The following MRTFB variants were observed in gnomAD, a reference collection of about 807,000 sequenced individuals.
MRTFB encodes the protein myocardin related transcription factor B.
Under a neutral mutation model 104.2 loss-of-function variants are expected in MRTFB, and 29 were observed. The observed-to-expected ratio is 0.28, with a 90% CI of 0.21 to 0.38. The LOEUF is 0.38. Ranked by LOEUF, MRTFB falls within the 10% of genes least tolerant of loss-of-function variation. MRTFB has a pLI of 1.00. For synonymous variants in MRTFB, 535 were observed against 519.5 expected (o/e 1.03, Z -0.41); for missense variants, 1,270 against 1,341.6 (o/e 0.95, Z 0.83).
the MRTFB span, among the ~76,000 whole-genome samples, chr16:14,059,771 T>C: frequency 6.6e-6 from 1 of 151,976 alleles, no homozygotes; most frequent in African/African-American, 2.4e-5. Flanking sequence ...AAAGAGAAGC[T>C]TGGAGTTGGC....
rs558973935 is a variant in MRTFB, at chr16:14,226,056, AGAG to A, written c.693+7062_693+7064del. Among the ~76,000 whole-genome samples the A allele has an allele frequency of 1.4e-4, 22 of 152,296 alleles. No individual in the cohort carries two copies. The East Asian group carries it at 4.2e-3, about 29-fold the overall frequency. ...GGCTATTTTTCAACAATGCAAAAGG[AGAG>A]GAGAATGGAATCAAAACAAGGCACT... is the stretch of plus-strand genomic sequence containing the variant. On this transcript the variant is annotated intron_variant, in intron 8 of 16. Transcript: ENST00000571589.
At chr16:14,180,887 G>C (rs1489429790) in intron 3 of MRTFB, among the ~76,000 whole-genome samples, 2 of 152,172 alleles carry the variant, frequency 1.3e-5, no homozygotes, top group Non-Finnish European at 2.9e-5. Flanking sequence ...TGATCAGACT[G>C]TTTGGCCCTG....
chr16:14,186,791 T>C (rs1436716185), intron 3 of MRTFB: 7 of 1,542,964 alleles, frequency 4.5e-6, no homozygotes, highest in East Asian at 2.3e-5. Flanking sequence ...TGGCCAGTGA[T>C]TGGGGTATTG....
chr16:14,025,875 A>G, the MRTFB span, among the ~76,000 whole-genome samples: 1 of 152,250 alleles, frequency 6.6e-6, no homozygotes, highest in African/African-American at 2.4e-5. Context: ...AATGTCATTT[A>G]CAATCACTCA....
intron 3 of MRTFB, among the ~76,000 whole-genome samples, chr16:14,197,469 A>G (rs1318099731): frequency 1.3e-5 from 2 of 152,056 alleles, no homozygotes; most frequent in African/African-American, 4.8e-5. Context: ...CCAAACTCCA[A>G]ATTCCCGCAA....
chr16:14,249,416 A>G (rs576334944), intron 13 of MRTFB, among the ~76,000 whole-genome samples: 7 of 152,344 alleles, frequency 4.6e-5, no homozygotes, highest in Admixed American at 4.6e-4. Context: ...CATACTGTGG[A>G]AAAAAAGATA....
At chr16:14,129,976 G>A (rs1395338916) in intron 2 of MRTFB, among the ~76,000 whole-genome samples, 1 of 151,954 alleles carries the variant, frequency 6.6e-6, no homozygotes, top group Non-Finnish European at 1.5e-5. Flanking sequence ...ACACAGGCTC[G>A]TGCCACCATG....
At chr16:14,200,741 G>A in intron 3 of MRTFB, 3 of 1,502,748 alleles carry the variant, frequency 2.0e-6, no homozygotes, top group Non-Finnish European at 2.8e-6. Flanking sequence ...CTTTTGGTTG[G>A]GACTTGTTGC....
intron 9 of MRTFB, among the ~76,000 whole-genome samples, chr16:14,234,797 T>TA (rs201458806): frequency 3.1e-3 from 469 of 150,502 alleles, no homozygotes; most frequent in African/African-American, 7.8e-3. Flanking sequence ...CCTGTCTCTT[T>TA]AAAAAAAAAC....
At chr16:14,115,087 C>A (rs1328826608) in intron 2 of MRTFB, among the ~76,000 whole-genome samples, 1 of 152,158 alleles carries the variant, frequency 6.6e-6, no homozygotes, top group East Asian at 1.9e-4. Flanking sequence ...AGGTTTGGGT[C>A]TCCTCTACTG....
chr16:14,036,296 T>TTATATTTATATATATATATATATATATA, the MRTFB span, among the ~76,000 whole-genome samples: 2 of 98,352 alleles, frequency 2.0e-5, no homozygotes, highest in Non-Finnish European at 4.0e-5. Context: ...TTATATATAT[T>TTATATTTATATATATATATATATATATA]TATATATATA....
chr16:14,247,669 T>A, intron 12 of MRTFB, 162 bp downstream of exon 12: 1 of 646,560 alleles, frequency 1.5e-6, no homozygotes, highest in Non-Finnish European at 2.6e-6. Flanking sequence ...AATCTGAATA[T>A]CTAGCACTGT....
chr16:14,055,349 CT>C, the MRTFB span, among the ~76,000 whole-genome samples: 59 of 152,166 alleles, frequency 3.9e-4, no homozygotes, highest in Non-Finnish European at 6.2e-4. Flanking sequence ...GAAACTCCGT[CT>C]CAAAAGAAGA....
At chr16:14,085,645 A>G (rs866691891) in intron 2 of MRTFB, among the ~76,000 whole-genome samples, 5 of 152,208 alleles carry the variant, frequency 3.3e-5, no homozygotes, top group African/African-American at 9.6e-5. Flanking sequence ...ACCTAATATA[A>G]TACCTGGCAT....
intron 3 of MRTFB, among the ~76,000 whole-genome samples, chr16:14,146,279 A>T (rs1250533802): frequency 6.6e-6 from 1 of 152,202 alleles, no homozygotes; most frequent in African/African-American, 2.4e-5. Context: ...GGCTTTTTCA[A>T]ACTCTGTTCA....
the MRTFB span, among the ~76,000 whole-genome samples, chr16:14,040,568 T>G: frequency 6.6e-6 from 1 of 151,860 alleles, no homozygotes; most frequent in African/African-American, 2.4e-5. Context: ...GTTCCAGAGA[T>G]TCTCCTGCCT....
chr16:14,256,463 T>G (rs1057428067), intron 15 of MRTFB, among the ~76,000 whole-genome samples: 1 of 152,156 alleles, frequency 6.6e-6, no homozygotes, highest in East Asian at 1.9e-4. Flanking sequence ...GGTGTGTGAC[T>G]CCAGAGACTA....
chr16:14,169,970 C>T (rs971859383), intron 3 of MRTFB, among the ~76,000 whole-genome samples: 4 of 152,126 alleles, frequency 2.6e-5, no homozygotes, highest in African/African-American at 9.6e-5. Flanking sequence ...TCATTATAGA[C>T]CATTTATAAA....
chr16:14,184,501 C>T (rs1000875796), intron 3 of MRTFB, among the ~76,000 whole-genome samples: 2 of 152,066 alleles, frequency 1.3e-5, no homozygotes, highest in Non-Finnish European at 2.9e-5. Context: ...GGATTATAGG[C>T]GTGACCCACC....
Sources: allele counts gnomAD v4.1 joint callset (sites outside exome capture counted in the v4.1 genomes callset), GRCh38; gene constraint gnomAD v4.1.1; transcripts MANE v1.5; gene names NCBI Gene and HGNC (gene_info 2026-07-23, HGNC 2026-07-21).